The following GLRB variants were observed in gnomAD, a reference collection of about 807,000 sequenced individuals.
GLRB encodes glycine receptor subunit beta.
A neutral mutation model predicts 54.2 loss-of-function variants in GLRB; 33 were observed. The ratio of observed to expected loss-of-function variants is 0.61; its 90% CI spans 0.46 to 0.81. The LOEUF is 0.81. GLRB is among the 40% of genes least tolerant of loss of function. GLRB has a pLI of 0.00. For synonymous variants in GLRB, 209 were observed against 208.2 expected (o/e 1.00, Z -0.03); for missense variants, 572 against 584.6 (o/e 0.98, Z 0.22).
At chr4:157,150,684 A>G (rs1282189308) in intron 8 of GLRB, among the ~76,000 whole-genome samples, 1 of 151,962 alleles carries the variant, frequency 6.6e-6, no homozygotes, top group Non-Finnish European at 1.5e-5. Context: ...TGTTTTCCTG[A>G]CAAAGTCATC....
intron 7 of GLRB, 137 bp from the exon 8 acceptor site, chr4:157,143,670 A>G: frequency 1.2e-6 from 1 of 849,542 alleles, no homozygotes; most frequent in Non-Finnish European, 1.9e-6. Flanking sequence ...ATCTGCAAAG[A>G]AAAACTTTTT....
intron 4 of GLRB, among the ~76,000 whole-genome samples, chr4:157,127,753 A>C (rs1466080992): frequency 1.3e-5 from 2 of 151,824 alleles, no homozygotes; most frequent in East Asian, 3.9e-4. Flanking sequence ...AATGCAGGTG[A>C]CCTCTAGGAG....
chr4:157,098,598 T>G (rs1256053624), intron 2 of GLRB, among the ~76,000 whole-genome samples: 1 of 151,778 alleles, frequency 6.6e-6, no homozygotes, highest in Admixed American at 6.6e-5. Context: ...AAATCACTTT[T>G]TTCTCTTCTT....
intron 6 of GLRB, among the ~76,000 whole-genome samples, chr4:157,138,218 T>A (rs1357189791): frequency 6.6e-6 from 1 of 152,018 alleles, no homozygotes; most frequent in African/African-American, 2.4e-5. Context: ...ATCACATGCG[T>A]CCACCACCGT....
chr4:157,162,545 T>C (rs1311732164), intron 9 of GLRB, among the ~76,000 whole-genome samples: 1 of 152,146 alleles, frequency 6.6e-6, no homozygotes, highest in Non-Finnish European at 1.5e-5. Context: ...TGTTTGTTAG[T>C]TTTCCAACAG....
chr4:157,107,783 G>C (rs1293541254), intron 2 of GLRB, among the ~76,000 whole-genome samples: 1 of 152,110 alleles, frequency 6.6e-6, no homozygotes, highest in African/African-American at 2.4e-5. Context: ...CGAAACAACA[G>C]ATGTTCAATG....
At chr4:157,077,540 A>T (rs945961297) in intron 1 of GLRB, among the ~76,000 whole-genome samples, 2 of 152,110 alleles carry the variant, frequency 1.3e-5, no homozygotes, top group African/African-American at 4.8e-5. Flanking sequence ...AAAAATATAC[A>T]TAAGAACTTC....
intron 3 of GLRB, among the ~76,000 whole-genome samples, chr4:157,121,792 C>T (rs1735831851): frequency 6.6e-6 from 1 of 151,562 alleles, no homozygotes; most frequent in Admixed American, 6.6e-5. Flanking sequence ...AATTATTTTT[C>T]AAAAGGTCAG....
At chr4:157,117,637 C>T (rs1010488844) in intron 2 of GLRB, among the ~76,000 whole-genome samples, 3 of 151,608 alleles carry the variant, frequency 2.0e-5, no homozygotes, top group African/African-American at 7.3e-5. Context: ...GAGAGTGCCA[C>T]AGGACAAAAT....
chr4:157,106,706 A>G (rs983811020), intron 2 of GLRB, among the ~76,000 whole-genome samples: 1 of 151,920 alleles, frequency 6.6e-6, no homozygotes, highest in Non-Finnish European at 1.5e-5. Flanking sequence ...GGCTTTCAAT[A>G]TCAAACTAAG....
chr4:157,168,620 C>CT (rs1399877448), intron 9 of GLRB, among the ~76,000 whole-genome samples: 9 of 151,900 alleles, frequency 5.9e-5, no homozygotes, highest in Non-Finnish European at 8.8e-5. Flanking sequence ...TGATTTACAT[C>CT]TTTTTTTTCA....
At chr4:157,090,667 C>T (rs1734576963) in intron 2 of GLRB, among the ~76,000 whole-genome samples, 1 of 152,178 alleles carries the variant, frequency 6.6e-6, no homozygotes, top group Admixed American at 6.5e-5. Flanking sequence ...ACTAGTCTGT[C>T]TTGCACTTTG....
chr4:157,079,375 A>G (rs146870160), intron 2 of GLRB, among the ~76,000 whole-genome samples: 140 of 152,330 alleles, frequency 9.2e-4, no homozygotes, highest in African/African-American at 3.1e-3. Flanking sequence ...TGGGAAGTAT[A>G]TTTTGTAAAG....
At chr4:157,169,941 G>C (rs558831849) in intron 9 of GLRB, among the ~76,000 whole-genome samples, 2 of 152,174 alleles carry the variant, frequency 1.3e-5, no homozygotes, top group South Asian at 4.1e-4. Context: ...ATGTGGCTTA[G>C]AGAAAGTCTG....
At chr4:157,101,653 C>T (rs758015434) in intron 2 of GLRB, among the ~76,000 whole-genome samples, 1 of 151,908 alleles carries the variant, frequency 6.6e-6, no homozygotes, top group South Asian at 2.1e-4. Flanking sequence ...CGAGTTTTTC[C>T]TTCAACTGCA....
chr4:157,162,616 G>T (rs1486300023), intron 9 of GLRB, among the ~76,000 whole-genome samples: 1 of 152,184 alleles, frequency 6.6e-6, no homozygotes, highest in African/African-American at 2.4e-5. Context: ...GCCCCTGTTT[G>T]CCTGGGTATC....
At chr4:157,128,044 T>A (rs1736078960) in intron 4 of GLRB, among the ~76,000 whole-genome samples, 1 of 151,862 alleles carries the variant, frequency 6.6e-6, no homozygotes, top group Admixed American at 6.6e-5. Flanking sequence ...TCCTCCCAAG[T>A]CCAGCTGAAG....
chr4:157,149,342 A>G (rs1736933531), intron 8 of GLRB, among the ~76,000 whole-genome samples: 1 of 152,136 alleles, frequency 6.6e-6, no homozygotes, highest in African/African-American at 2.4e-5. Context: ...GGAGAATTTT[A>G]GGTAAGGACT....
intron 9 of GLRB, among the ~76,000 whole-genome samples, chr4:157,167,061 T>C (rs1374713917): frequency 1.3e-5 from 2 of 152,170 alleles, no homozygotes; most frequent in Non-Finnish European, 2.9e-5. Context: ...CAAATGCATT[T>C]CTACAGTATA....
Sources: allele counts gnomAD v4.1 joint callset (sites outside exome capture counted in the v4.1 genomes callset), GRCh38; gene constraint gnomAD v4.1.1; transcripts MANE v1.5; gene names NCBI Gene and HGNC (gene_info 2026-07-23, HGNC 2026-07-21).